Variants in FAM135B observed in about 807,000 individuals in gnomAD.
The protein encoded by FAM135B is family with sequence similarity 135 member B.
A neutral mutation model predicts 127.7 loss-of-function variants in FAM135B; 43 were observed. That is an observed-to-expected ratio of 0.34 (90% confidence interval 0.26 to 0.43). The LOEUF is 0.43. FAM135B is among the 20% of genes least tolerant of loss of function. The pLI, the probability that FAM135B is intolerant of heterozygous loss-of-function variation, is 1.00. For missense variants in FAM135B, 1,558 were observed against 1,725.6 expected, an observed-to-expected ratio of 0.90 and a Z score of 1.72; for synonymous variants, 670 against 665.1, an observed-to-expected ratio of 1.01 and a Z score of -0.11.
chr8:138,337,247 G>C (rs1051901497), intron 2 of FAM135B, among the ~76,000 whole-genome samples: 14 of 151,384 alleles, frequency 9.2e-5, no homozygotes, highest in Admixed American at 6.6e-5. Context: ...AGTGTTGGAA[G>C]TTCTGGCCAG....
chr8:138,178,254 A>G (rs1382612062), intron 10 of FAM135B, among the ~76,000 whole-genome samples: 3 of 92,064 alleles, frequency 3.3e-5, no homozygotes, highest in African/African-American at 9.3e-5. Context: ...TCTCAAAGAA[A>G]AAAAAAAAAA....
intron 2 of FAM135B, among the ~76,000 whole-genome samples, chr8:138,365,127 G>A (rs1040944603): frequency 6.6e-6 from 1 of 152,124 alleles, no homozygotes; most frequent in Admixed American, 6.5e-5. Context: ...GATTACAGGC[G>A]TGAGTCACCA....
At chr8:138,264,002 A>T (rs1333047715) in intron 4 of FAM135B, among the ~76,000 whole-genome samples, 1 of 152,086 alleles carries the variant, frequency 6.6e-6, no homozygotes, top group Non-Finnish European at 1.5e-5. Flanking sequence ...ATAAGCCCTA[A>T]ATTCCCTATC....
chr8:138,223,262 T>A (rs1409913777), intron 7 of FAM135B, among the ~76,000 whole-genome samples: 2 of 152,208 alleles, frequency 1.3e-5, no homozygotes, highest in East Asian at 3.8e-4. Flanking sequence ...AGCCTGTTAG[T>A]CTGGAAATGT....
intron 1 of FAM135B, among the ~76,000 whole-genome samples, chr8:138,416,278 A>G (rs1834144098): frequency 6.6e-6 from 1 of 152,220 alleles, no homozygotes; most frequent in African/African-American, 2.4e-5. Flanking sequence ...TACTAGTTAC[A>G]TGATCCTTAG....
intron 4 of FAM135B, among the ~76,000 whole-genome samples, chr8:138,258,490 C>T (rs1822282300): frequency 6.6e-6 from 1 of 152,180 alleles, no homozygotes; most frequent in African/African-American, 2.4e-5. Context: ...AAGGAAAGCA[C>T]TGCAGCCTCT....
chr8:138,333,827 T>A (rs1451504854), intron 2 of FAM135B, among the ~76,000 whole-genome samples: 1 of 152,212 alleles, frequency 6.6e-6, no homozygotes, highest in Non-Finnish European at 1.5e-5. Flanking sequence ...AACTGCAGAC[T>A]GTTCAACCTA....
intron 2 of FAM135B, among the ~76,000 whole-genome samples, chr8:138,357,037 A>G (rs1304007377): frequency 2.0e-5 from 3 of 152,174 alleles, no homozygotes; most frequent in South Asian, 2.1e-4. Flanking sequence ...GTTTGATCAA[A>G]GAGAATATGA....
intron 1 of FAM135B, among the ~76,000 whole-genome samples, chr8:138,431,192 A>T (rs1835170282): frequency 6.6e-6 from 1 of 152,202 alleles, no homozygotes; most frequent in African/African-American, 2.4e-5. Context: ...GCTTACACAC[A>T]TTCACTAACT....
At chr8:138,419,019 TAAAC>T (rs1834334671) in intron 1 of FAM135B, among the ~76,000 whole-genome samples, 1 of 151,880 alleles carries the variant, frequency 6.6e-6, no homozygotes. Context: ...ACCTTGAACA[TAAAC>T]AGGCTAAATG....
At chr8:138,222,357 G>A (rs1586813202) in intron 7 of FAM135B, among the ~76,000 whole-genome samples, 1 of 152,038 alleles carries the variant, frequency 6.6e-6, no homozygotes, top group South Asian at 2.1e-4. Flanking sequence ...ACTAATTGGT[G>A]CAATTATCTA....
intron 1 of FAM135B, among the ~76,000 whole-genome samples, chr8:138,388,313 G>A (rs2131314534): frequency 6.6e-6 from 1 of 152,248 alleles, no homozygotes; most frequent in East Asian, 1.9e-4. Context: ...AAATGGTATA[G>A]CCACTTTGGA....
chr8:138,323,271 TTC>T (rs1827574903), intron 2 of FAM135B, among the ~76,000 whole-genome samples: 1 of 152,198 alleles, frequency 6.6e-6, no homozygotes, highest in African/African-American at 2.4e-5. Context: ...ATCCCTAAAC[TTC>T]TCTTTCCTTA....
chr8:138,274,855 T>G (rs1162141198), intron 3 of FAM135B, among the ~76,000 whole-genome samples: 1 of 152,186 alleles, frequency 6.6e-6, no homozygotes, highest in African/African-American at 2.4e-5. Flanking sequence ...ATCTCTCTTA[T>G]TCCCTGAACA....
intron 11 of FAM135B, among the ~76,000 whole-genome samples, chr8:138,169,907 G>A (rs1423051448): frequency 6.6e-6 from 1 of 152,184 alleles, no homozygotes; most frequent in Non-Finnish European, 1.5e-5. Context: ...GGGCTTTCGT[G>A]AATGTGACCA....
At chr8:138,323,046 T>C (rs1017889904) in intron 2 of FAM135B, among the ~76,000 whole-genome samples, 1 of 152,244 alleles carries the variant, frequency 6.6e-6, no homozygotes, top group Non-Finnish European at 1.5e-5. Context: ...TTGCATTTTA[T>C]TGGCCTCAAT....
At chr8:138,210,520 G>A (rs1485526597) in intron 7 of FAM135B, among the ~76,000 whole-genome samples, 1 of 152,104 alleles carries the variant, frequency 6.6e-6, no homozygotes, top group Non-Finnish European at 1.5e-5. Flanking sequence ...TTACAATCAT[G>A]GTGGAAGGTG....
intron 9 of FAM135B, among the ~76,000 whole-genome samples, chr8:138,191,030 T>C (rs1437168733): frequency 6.6e-6 from 1 of 152,230 alleles, no homozygotes; most frequent in Non-Finnish European, 1.5e-5. Flanking sequence ...TGGGGCTGTG[T>C]CATGAGCCAT....
chr8:138,471,180 G>A lies in FAM135B; in HGVS notation c.-20+25491C>T, dbSNP rs1837655044. 2.0e-5 allele frequency among the ~76,000 whole-genome samples: 3 copies of A among 152,092 alleles called. 1 individual carries two copies. The South Asian group carries it at 6.2e-4, about 32-fold the overall frequency. ...ATGCACCAGAGATTTGGGGCAGAGT[G>A]TGGCTGGCAACACATTATCATGCAC... On this transcript the variant is annotated intron_variant, in intron 1 of 19. Transcript: ENST00000395297.
Sources: allele counts gnomAD v4.1 joint callset (sites outside exome capture counted in the v4.1 genomes callset), GRCh38; gene constraint gnomAD v4.1.1; transcripts MANE v1.5; gene names NCBI Gene and HGNC (gene_info 2026-07-23, HGNC 2026-07-21).